The following TMEM131 variants were observed in gnomAD, a reference collection of about 807,000 sequenced individuals.
The protein encoded by TMEM131 is transmembrane protein 131, also known as 2610524E03Rik.
In TMEM131, 66 loss-of-function variants were observed where a neutral mutation model predicts 211.6. That is an observed-to-expected ratio of 0.31 (90% CI 0.26 to 0.38). The LOEUF (loss-of-function observed/expected upper bound fraction) is 0.38. Ranked by LOEUF, TMEM131 falls within the 10% of genes least tolerant of loss-of-function variation. The pLI is 1.00. For missense variants in TMEM131, 2,036 were observed against 2,299.3 expected (o/e 0.89, Z 2.34); for synonymous variants, 844 against 841.3 (o/e 1.00, Z -0.06).
At chr2:97,952,605 G>A (rs1017571082) in intron 1 of TMEM131, among the ~76,000 whole-genome samples, 4 of 152,120 alleles carry the variant, frequency 2.6e-5, no homozygotes, top group African/African-American at 4.8e-5. Context: ...GGCCCAGCAC[G>A]GTAGCTCATG....
chr2:97,890,265 A>G (rs1400010647), intron 3 of TMEM131, among the ~76,000 whole-genome samples: 1 of 152,220 alleles, frequency 6.6e-6, no homozygotes, highest in African/African-American at 2.4e-5. Flanking sequence ...AAGTTCCTGT[A>G]GGAGCCCAAC....
intron 5 of TMEM131, among the ~76,000 whole-genome samples, chr2:97,857,015 T>C (rs1192916781): frequency 6.6e-6 from 1 of 152,236 alleles, no homozygotes; most frequent in African/African-American, 2.4e-5. Flanking sequence ...TTAGTTTATC[T>C]TTTAAAAAAT....
chr2:97,962,497 C>G (rs1678865269), intron 1 of TMEM131, among the ~76,000 whole-genome samples: 1 of 151,924 alleles, frequency 6.6e-6, no homozygotes, highest in African/African-American at 2.4e-5. Context: ...GAGTGAGACT[C>G]CGTCTCAAAA....
At chr2:97,775,264 G>A (rs1220945166) in intron 32 of TMEM131, among the ~76,000 whole-genome samples, 1 of 152,160 alleles carries the variant, frequency 6.6e-6, no homozygotes, top group African/African-American at 2.4e-5. Context: ...GCCTCCAACG[G>A]GCGAGGCAGC....
chr2:97,916,537 T>C (rs1676514384), intron 2 of TMEM131, among the ~76,000 whole-genome samples: 1 of 152,182 alleles, frequency 6.6e-6, no homozygotes, highest in South Asian at 2.1e-4. Flanking sequence ...GGTAATCAAC[T>C]TGACATGACA....
rs57606185 is a variant in TMEM131 at position 97,981,028 on chromosome 2, C to CAAAAAAAAAAAAAAAAAAAA, written c.187+14428_187+14447dup. ...TGCTGAAACTCACAGAACTACACACCAAAAAAAAAAAAAAAAAAAAAAAAA... is the reference window on the plus strand; with the variant it reads ...TGCTGAAACTCACAGAACTACACACCAAAAAAAAAAAAAAAAAAAAAAAAAAAAAAAAAAAAAAAAAAAAA... On this transcript the variant is annotated intron_variant, in intron 1 of 40. Coordinates refer to ENST00000186436, the MANE Select transcript of TMEM131 (RefSeq NM_015348.2). 2.0e-3 allele frequency among the ~76,000 whole-genome samples: 77 copies of CAAAAAAAAAAAAAAAAAAAA among 37,970 alleles called. 9 individuals carry two copies. The highest frequency in any genetic ancestry group is 2.3e-3 in the Non-Finnish European group (50 of 21,682). 24.9% of individuals were successfully genotyped at this position (37,970 alleles called of 152,430 possible). A position where few individuals can be genotyped will look rare whatever the true frequency, so the allele number is the denominator to read the frequency against.
intron 2 of TMEM131, among the ~76,000 whole-genome samples, chr2:97,919,469 C>T (rs1300383446): frequency 3.3e-5 from 5 of 152,074 alleles, no homozygotes; most frequent in African/African-American, 9.7e-5. Flanking sequence ...ATTATTTTTG[C>T]CTCTCATTGT....
At chr2:97,926,299 G>A (rs1676989093) in intron 2 of TMEM131, among the ~76,000 whole-genome samples, 1 of 152,120 alleles carries the variant, frequency 6.6e-6, no homozygotes, top group African/African-American at 2.4e-5. Context: ...CCATAGAAAT[G>A]CTACATGTAC....
At chr2:97,988,718 G>A (rs1055268345) in intron 1 of TMEM131, among the ~76,000 whole-genome samples, 5 of 152,104 alleles carry the variant, frequency 3.3e-5, no homozygotes, top group African/African-American at 9.7e-5. Flanking sequence ...ATACCACAAT[G>A]AGATAGCACC....
intron 3 of TMEM131, among the ~76,000 whole-genome samples, chr2:97,901,162 C>T (rs146754999): frequency 3.3e-5 from 5 of 152,130 alleles, no homozygotes; most frequent in Admixed American, 2.6e-4. Flanking sequence ...TTGCAAAATA[C>T]GGGAAACAAA....
At chr2:97,832,340 A>G (rs1682742105) in intron 11 of TMEM131, among the ~76,000 whole-genome samples, 1 of 152,206 alleles carries the variant, frequency 6.6e-6, no homozygotes, top group African/African-American at 2.4e-5. Context: ...TTGTACGTAA[A>G]AAGTTAGGCT....
In TMEM131 at chr2:97,809,854, G is replaced by T. The variant is rs1573393893; in HGVS notation, c.1969-80C>A. 8.5e-6 allele frequency: 10 copies of T among 1,182,902 alleles called. No homozygotes were observed. The East Asian group carries it at 1.0e-4, about 12-fold the overall frequency. 73.3% of individuals were successfully genotyped at this position (1,182,902 alleles called of 1,614,324 possible). A position where few individuals can be genotyped will look rare whatever the true frequency, so the allele number is the denominator to read the frequency against. On this transcript the variant is annotated intron_variant, in intron 18 of 40. Coordinates refer to ENST00000186436, the MANE Select transcript of TMEM131 (RefSeq NM_015348.2). Reference sequence around the variant, plus strand: ...GATAACTATTGCATTATATTTTGGGGTTAACCTAATTTTGGGACTAATATT... The same window carrying T: ...GATAACTATTGCATTATATTTTGGGTTTAACCTAATTTTGGGACTAATATT...
At chr2:97,783,475 G>C (rs958856132) in intron 31 of TMEM131, among the ~76,000 whole-genome samples, 1 of 152,096 alleles carries the variant, frequency 6.6e-6, no homozygotes, top group African/African-American at 2.4e-5. Flanking sequence ...CTAAATGTAT[G>C]TAGAGGAAAT....
chr2:97,964,080 A>G (rs1028803668), intron 1 of TMEM131, among the ~76,000 whole-genome samples: 1 of 152,210 alleles, frequency 6.6e-6, no homozygotes, highest in African/African-American at 2.4e-5. Flanking sequence ...AAGCATTCAC[A>G]TTCCTGAATG....
At chr2:97,905,012 AT>A (rs1197897072) in intron 3 of TMEM131, among the ~76,000 whole-genome samples, 2 of 152,108 alleles carry the variant, frequency 1.3e-5, no homozygotes, top group Admixed American at 1.3e-4. Context: ...AGAAATTAAC[AT>A]TTTGTTAACC....
At chr2:97,931,038 T>A (rs1677198041) in intron 1 of TMEM131, among the ~76,000 whole-genome samples, 1 of 151,940 alleles carries the variant, frequency 6.6e-6, no homozygotes, top group Admixed American at 6.5e-5. Context: ...AATGTGAATC[T>A]GTGCTTCTAA....
At chr2:97,892,512 C>T (rs1419928077) in intron 3 of TMEM131, among the ~76,000 whole-genome samples, 1 of 152,122 alleles carries the variant, frequency 6.6e-6, no homozygotes, top group Non-Finnish European at 1.5e-5. Context: ...AGACACACAC[C>T]ACCACAACTA....
chr2:97,786,080 G>C (rs1303461009), intron 31 of TMEM131, among the ~76,000 whole-genome samples: 1 of 152,150 alleles, frequency 6.6e-6, no homozygotes, highest in Non-Finnish European at 1.5e-5. Flanking sequence ...CTGTGGGCTT[G>C]GAAATGTTCT....
chr2:97,992,122 C>T (rs1680295054), intron 1 of TMEM131, among the ~76,000 whole-genome samples: 1 of 152,184 alleles, frequency 6.6e-6, no homozygotes, highest in Admixed American at 6.5e-5. Flanking sequence ...CTACCCCATA[C>T]AAAGGGTTAA....
Sources: gnomAD v4.1 joint callset for allele counts (sites outside exome capture counted in the v4.1 genomes callset) on GRCh38, gnomAD v4.1.1 for gene constraint, MANE v1.5 for transcripts, NCBI Gene and HGNC (gene_info 2026-07-23, HGNC 2026-07-21) for gene names.